YWHAQ: variants seen among roughly 807,000 people sequenced by gnomAD.
The protein encoded by YWHAQ is 14-3-3 protein theta.
A neutral mutation model predicts 28.3 loss-of-function variants in YWHAQ; 6 were observed. The observed-to-expected ratio is 0.21, with a 90% CI of 0.12 to 0.42. The LOEUF (loss-of-function observed/expected upper bound fraction) is 0.42, where lower values mean the gene tolerates loss of function less well. Among genes scored for constraint, YWHAQ ranks in the 10% least tolerant of loss-of-function variants. The pLI is 1.00. For synonymous variants in YWHAQ, 143 were observed against 119.1 expected (o/e 1.20, Z -1.31); for missense variants, 201 against 305.6 (o/e 0.66, Z 2.55).
chr2:9,604,564 T>C (rs753980116), intron 2 of YWHAQ, among the ~76,000 whole-genome samples: 20 of 152,156 alleles, frequency 1.3e-4, no homozygotes, highest in Non-Finnish European at 2.9e-4. Context: ...TTTCTACGGA[T>C]TTTTTCCAGT....
intron 2 of YWHAQ, among the ~76,000 whole-genome samples, chr2:9,619,269 C>T (rs1212274379): frequency 1.6e-4 from 24 of 152,126 alleles, no homozygotes; most frequent in Non-Finnish European, 8.8e-5. Flanking sequence ...GAAGGATCAC[C>T]TTCCAGAGAT....
intron 2 of YWHAQ, among the ~76,000 whole-genome samples, chr2:9,601,829 T>A (rs1666699728): frequency 6.6e-6 from 1 of 152,112 alleles, no homozygotes; most frequent in Admixed American, 6.5e-5. Flanking sequence ...TTTGTATTTT[T>A]AGCAGACGGG....
intron 2 of YWHAQ, among the ~76,000 whole-genome samples, chr2:9,599,235 TTCATGAGGTTGAC>T (rs899408607): frequency 2.0e-5 from 3 of 152,202 alleles, no homozygotes; most frequent in Non-Finnish European, 4.4e-5. Flanking sequence ...GAGAGGTTGA[TTCATGAGGTTGAC>T]CGAAAGAAGT....
At chr2:9,586,646 T>G (rs1236688101) in intron 5 of YWHAQ, among the ~76,000 whole-genome samples, 2 of 152,298 alleles carry the variant, frequency 1.3e-5, no homozygotes, top group Non-Finnish European at 2.9e-5. Flanking sequence ...CCCCTTTCAG[T>G]GGATTCATAA....
chr2:9,618,395 G>T lies in YWHAQ; in HGVS notation c.294+11764C>A, dbSNP rs1037348659. ...TGTAAACATTTCTTTGAAACTTAAG[G>T]AAAGGAGATAAGTTTCCTTAGAGAA... On this transcript the variant is annotated intron_variant, in intron 2 of 5. Coordinates refer to ENST00000238081, the MANE Select transcript of YWHAQ (RefSeq NM_006826.4). 1.4e-5 allele frequency among the ~76,000 whole-genome samples: 2 copies of T among 147,232 alleles called. 1 individual carries two copies. The highest frequency in any genetic ancestry group is 2.9e-5 in the Non-Finnish European group (2 of 68,018).
intron 2 of YWHAQ, among the ~76,000 whole-genome samples, chr2:9,602,863 ATATATATATATATATATATATATATAT>A (rs1225197711): frequency 0.012 from 88 of 7,412 alleles, no homozygotes; most frequent in Non-Finnish European, 0.021. Context: ...AAAAAAAAAA[ATATATATATATATATATATATATATAT>A]ATATATATAT....
chr2:9,601,917 G>A (rs1417822655), intron 2 of YWHAQ, among the ~76,000 whole-genome samples: 1 of 151,982 alleles, frequency 6.6e-6, no homozygotes, highest in African/African-American at 2.4e-5. Flanking sequence ...CAAAGTGCTG[G>A]GATTACAGGC....
At chr2:9,591,066 C>T (rs1178639906) in intron 3 of YWHAQ, among the ~76,000 whole-genome samples, 1 of 152,164 alleles carries the variant, frequency 6.6e-6, no homozygotes, top group African/African-American at 2.4e-5. Context: ...TGCAGAATCA[C>T]TCATAAAGTT....
chr2:9,586,450 C>A (rs1666346002), intron 5 of YWHAQ, among the ~76,000 whole-genome samples: 1 of 152,150 alleles, frequency 6.6e-6, no homozygotes, highest in Non-Finnish European at 1.5e-5. Flanking sequence ...CCCCCAAAGA[C>A]CTGTCTCCAT....
At chr2:9,605,880 G>C (rs1375917301) in intron 2 of YWHAQ, among the ~76,000 whole-genome samples, 1 of 152,060 alleles carries the variant, frequency 6.6e-6, no homozygotes, top group African/African-American at 2.4e-5. Context: ...ATTCTTTTAA[G>C]GATTCAAAAC....
At chr2:9,625,315 A>G (rs1667229614) in intron 2 of YWHAQ, among the ~76,000 whole-genome samples, 1 of 151,904 alleles carries the variant, frequency 6.6e-6, no homozygotes, top group African/African-American at 2.4e-5. Flanking sequence ...GCAGCCTACA[A>G]TCTAAGGGCA....
chr2:9,624,606 G>A (rs920371645), intron 2 of YWHAQ, among the ~76,000 whole-genome samples: 8 of 152,128 alleles, frequency 5.3e-5, no homozygotes, highest in African/African-American at 1.9e-4. Context: ...CCCACTAGAC[G>A]TGAGCAGCAC....
chr2:9,600,476 C>A (rs1369890708), intron 2 of YWHAQ, among the ~76,000 whole-genome samples: 2 of 152,170 alleles, frequency 1.3e-5, no homozygotes, highest in African/African-American at 2.4e-5. Context: ...GAGGCCCAAG[C>A]GGGCAGATCA....
At chr2:9,601,316 G>T (rs1666687804) in intron 2 of YWHAQ, among the ~76,000 whole-genome samples, 1 of 152,036 alleles carries the variant, frequency 6.6e-6, no homozygotes, top group African/African-American at 2.4e-5. Flanking sequence ...ACAAAAATTA[G>T]CTGGGTGTGG....
intron 2 of YWHAQ, among the ~76,000 whole-genome samples, chr2:9,601,354 C>G (rs1020466010): frequency 6.6e-6 from 1 of 151,978 alleles, no homozygotes; most frequent in Non-Finnish European, 1.5e-5. Context: ...CCCAGCTACT[C>G]GGGAGGCTGA....
chr2:9,609,824 G>A (rs925821555), intron 2 of YWHAQ, among the ~76,000 whole-genome samples: 4 of 152,248 alleles, frequency 2.6e-5, no homozygotes, highest in South Asian at 2.1e-4. Context: ...ACATAAAGAC[G>A]TTTCCAGAAA....
intron 2 of YWHAQ, among the ~76,000 whole-genome samples, chr2:9,598,204 T>C (rs1440544326): frequency 1.3e-5 from 2 of 152,078 alleles, no homozygotes; most frequent in African/African-American, 4.8e-5. Flanking sequence ...ACAGAAGACA[T>C]CAGTCAAACT....
rs1158622682 is a variant in YWHAQ, at chr2:9,584,584, T to C, written c.*702A>G. 1 of 152,654 alleles carries C rather than the reference T, an allele frequency of 6.6e-6. No homozygotes were observed. The highest frequency in any genetic ancestry group is 1.5e-5 in the Non-Finnish European group (1 of 68,044). 9.5% of individuals were successfully genotyped at this position (152,654 alleles called of 1,614,324 possible). ...GCAGCAACATGCTACTTCTATCACATAGTAAAGTGAATACCAGAACTACAA... is the reference window on the plus strand; with the variant it reads ...GCAGCAACATGCTACTTCTATCACACAGTAAAGTGAATACCAGAACTACAA... On this transcript the variant is annotated 3_prime_UTR_variant, in exon 6 of 6. Coordinates refer to ENST00000238081, the MANE Select transcript of YWHAQ (RefSeq NM_006826.4).
At position 9,585,026 on chromosome 2, in the gene YWHAQ, TA is replaced by T; in HGVS notation, c.*259del. ...CCAGATACATTTTTAGTCCTCTACA[TA>T]AGTGTTTGGGAGTTACTTATGTTTA... On this transcript the variant is annotated 3_prime_UTR_variant, in exon 6 of 6. Coordinates refer to ENST00000238081, the MANE Select transcript of YWHAQ (RefSeq NM_006826.4). The T allele has an allele frequency of 2.2e-6, 1 of 457,030 alleles. No individual in the cohort carries two copies. The highest frequency in any genetic ancestry group is 4.0e-6 in the Non-Finnish European group (1 of 252,396). 28.3% of individuals were successfully genotyped at this position (457,030 alleles called of 1,614,324 possible). A position where few individuals can be genotyped will look rare whatever the true frequency, so the allele number is the denominator to read the frequency against.
Sources: gnomAD v4.1 joint callset for allele counts (sites outside exome capture counted in the v4.1 genomes callset) on GRCh38, gnomAD v4.1.1 for gene constraint, MANE v1.5 for transcripts, NCBI Gene and HGNC (gene_info 2026-07-23, HGNC 2026-07-21) for gene names.